CATSPERB: variants seen among roughly 807,000 people sequenced by gnomAD.
The protein encoded by CATSPERB is catsper channel auxiliary subunit beta.
In CATSPERB, 93 loss-of-function variants were observed where a neutral mutation model predicts 128.3. The ratio of observed to expected loss-of-function variants is 0.72; its 90% CI spans 0.61 to 0.86. The LOEUF (loss-of-function observed/expected upper bound fraction) is 0.86, where lower values mean the gene tolerates loss of function less well. Among genes scored for constraint, CATSPERB ranks in the 40% least tolerant of loss-of-function variants. CATSPERB has a pLI of 0.00. For synonymous variants in CATSPERB, 381 were observed against 448.8 expected, an observed-to-expected ratio of 0.85 and a Z score of 1.91; for missense variants, 1,153 against 1,329.5, an observed-to-expected ratio of 0.87 and a Z score of 2.06.
chr14:91,672,770 T>C (rs1895120681), intron 13 of CATSPERB, 97 bp downstream of exon 13: 1 of 966,970 alleles, frequency 1.0e-6, no homozygotes, highest in African/African-American at 1.7e-5. Context: ...ATAGGTTCTA[T>C]TGCCAGACAT....
At chr14:91,603,234 G>GT in intron 22 of CATSPERB, 1 of 912,430 alleles carries the variant, frequency 1.1e-6, no homozygotes. Context: ...TCTTTTCATT[G>GT]TTTCTCTCAA....
At chr14:91,604,323 A>G (rs374815768) in intron 22 of CATSPERB, 7 of 750,512 alleles carry the variant, frequency 9.3e-6, no homozygotes, top group East Asian at 2.4e-5. Context: ...GAAAAATCCT[A>G]TGAGGGATGG....
At chr14:91,707,534 T>A (rs1184648834) in intron 6 of CATSPERB, among the ~76,000 whole-genome samples, 2 of 150,204 alleles carry the variant, frequency 1.3e-5, no homozygotes, top group South Asian at 2.1e-4. Flanking sequence ...AGCCATTGTT[T>A]ATAATGACCC....
chr14:91,586,105 G>T (rs1314330200), intron 26 of CATSPERB, among the ~76,000 whole-genome samples: 1 of 152,116 alleles, frequency 6.6e-6, no homozygotes. Context: ...CATTTCAAAG[G>T]CTTTGCTGTT....
In CATSPERB at chr14:91,625,014, A is replaced by T; in HGVS notation, c.1743-7T>A. Reference sequence around the variant, plus strand: ...GTAAGCTCTTCCAGTTTTCCTAAAAACAAATAAAACCATTAAGCAATTTGG... The same window carrying T: ...GTAAGCTCTTCCAGTTTTCCTAAAATCAAATAAAACCATTAAGCAATTTGG... On this transcript the variant is annotated splice_region_variant and splice_polypyrimidine_tract_variant and intron_variant, in intron 17 of 26. Coordinates refer to ENST00000256343, the MANE Select transcript of CATSPERB (RefSeq NM_024764.4). The T allele has an allele frequency of 6.4e-7, 1 of 1,557,458 alleles. No homozygotes were observed. The highest frequency in any genetic ancestry group is 8.6e-7 in the Non-Finnish European group (1 of 1,157,560).
intron 20 of CATSPERB, among the ~76,000 whole-genome samples, 157 bp downstream of exon 20, chr14:91,617,440 C>T (rs887342016): frequency 1.4e-4 from 22 of 152,188 alleles, no homozygotes; most frequent in Non-Finnish European, 2.5e-4. Flanking sequence ...ATTATTACAA[C>T]ACTTTCTTCA....
At chr14:91,681,915 C>T (rs1433509197) in intron 11 of CATSPERB, among the ~76,000 whole-genome samples, 1 of 152,170 alleles carries the variant, frequency 6.6e-6, no homozygotes, top group Non-Finnish European at 1.5e-5. Flanking sequence ...AAGAAAAGAC[C>T]TAAAGCTGTA....
chr14:91,581,876 T>C (rs1451162884), intron 26 of CATSPERB, among the ~76,000 whole-genome samples: 1 of 152,150 alleles, frequency 6.6e-6, no homozygotes, highest in African/African-American at 2.4e-5. Context: ...AACGTGCTGA[T>C]GAATGGAACT....
intron 26 of CATSPERB, among the ~76,000 whole-genome samples, chr14:91,585,345 G>C (rs370242940): frequency 6.6e-6 from 1 of 152,072 alleles, no homozygotes; most frequent in South Asian, 2.1e-4. Flanking sequence ...TAACATAAAT[G>C]TTAGACCTTC....
intron 20 of CATSPERB, among the ~76,000 whole-genome samples, chr14:91,613,900 A>C (rs982879748): frequency 5.3e-5 from 8 of 152,228 alleles, no homozygotes; most frequent in Non-Finnish European, 7.3e-5. Context: ...CAGCGCATGC[A>C]CCCAAGGGAC....
chr14:91,693,432 T>C lies in CATSPERB; in HGVS notation c.664A>G (p.Thr222Ala). 1 of 1,614,124 alleles carries C rather than the reference T, an allele frequency of 6.2e-7. No individual in the cohort carries two copies. The highest frequency in any genetic ancestry group is 2.2e-5 in the East Asian group (1 of 44,876). ...TFGGFWHDYD[T>A]TWFNMTQTIY... The stretch of plus-strand genomic sequence containing the variant: ...GTCTGTGTCATGTTAAACCATGTGG[T>C]ATCATAATCATGCCAGAATCCACCA... The change falls in exon 8 of 27, where the codon ACC becomes GCC. Residue 222 changes from threonine (T) to alanine (A), a missense_variant. Coordinates refer to ENST00000256343, the MANE Select transcript of CATSPERB (RefSeq NM_024764.4).
At chr14:91,588,428 C>T (rs565300969) in intron 24 of CATSPERB, among the ~76,000 whole-genome samples, 46 of 152,212 alleles carry the variant, frequency 3.0e-4, no homozygotes, top group African/African-American at 1.1e-3. Flanking sequence ...CAGGATCAGT[C>T]CTGACCTGCA....
intron 10 of CATSPERB, among the ~76,000 whole-genome samples, chr14:91,685,401 G>A (rs1182130350): frequency 6.6e-6 from 1 of 152,106 alleles, no homozygotes; most frequent in African/African-American, 2.4e-5. Context: ...TATGTTACAT[G>A]GCTGATAAGT....
At chr14:91,651,593 G>C (rs1894705399) in intron 15 of CATSPERB, among the ~76,000 whole-genome samples, 3 of 152,186 alleles carry the variant, frequency 2.0e-5, no homozygotes, top group Non-Finnish European at 2.9e-5. Flanking sequence ...TTCTGGGACT[G>C]AGTTGCTTAC....
chr14:91,632,893 C>A (rs1894303988), intron 17 of CATSPERB, among the ~76,000 whole-genome samples: 1 of 152,058 alleles, frequency 6.6e-6, no homozygotes, highest in Non-Finnish European at 1.5e-5. Context: ...GGAGATAAAA[C>A]TCCCATGTGG....
At chr14:91,720,903 G>A (rs905218517) in intron 4 of CATSPERB, among the ~76,000 whole-genome samples, 1 of 152,148 alleles carries the variant, frequency 6.6e-6, no homozygotes, top group Non-Finnish European at 1.5e-5. Context: ...CAATAAAATT[G>A]AGAATCCAGA....
At chr14:91,608,871 T>A (rs879903265) in intron 21 of CATSPERB, among the ~76,000 whole-genome samples, 1 of 152,076 alleles carries the variant, frequency 6.6e-6, no homozygotes, top group Non-Finnish European at 1.5e-5. Flanking sequence ...AACACAGGGG[T>A]TAGGGGTGCA....
At position 91,696,444 on chromosome 14, in the gene CATSPERB, TG is replaced by T. The variant is rs1274241041; in HGVS notation, c.617-2966del. Among the ~76,000 whole-genome samples, 3 of 152,204 alleles carry T rather than the reference TG, an allele frequency of 2.0e-5. No homozygotes were observed. The East Asian group carries it at 5.8e-4, about 29-fold the overall frequency. ...GGCATAAAAGACTGGCTGTTGGAAC[TG>T]GCAATATGGAAACTGTGAGTGGCCT... On this transcript the variant is annotated intron_variant, in intron 7 of 26. Coordinates refer to ENST00000256343, the MANE Select transcript of CATSPERB (RefSeq NM_024764.4).
At chr14:91,652,642 G>T (rs1436033963) in intron 15 of CATSPERB, among the ~76,000 whole-genome samples, 2 of 114,952 alleles carry the variant, frequency 1.7e-5, no homozygotes, top group African/African-American at 6.8e-5. Context: ...CTGCACCCCA[G>T]TCTGAGCAAC....
Sources: gnomAD v4.1 joint callset for allele counts (sites outside exome capture counted in the v4.1 genomes callset) on GRCh38, gnomAD v4.1.1 for gene constraint, MANE v1.5 for transcripts, NCBI Gene and HGNC (gene_info 2026-07-23, HGNC 2026-07-21) for gene names.